ZDHHC15: variants seen among roughly 807,000 people sequenced by gnomAD.
The protein encoded by ZDHHC15 is palmitoyltransferase ZDHHC15.
Under a neutral mutation model 31.7 loss-of-function variants are expected in ZDHHC15, and 19 were observed. That is an observed-to-expected ratio of 0.60 (90% CI 0.42 to 0.88). The LOEUF (loss-of-function observed/expected upper bound fraction) is 0.88, where lower values mean the gene tolerates loss of function less well. ZDHHC15 is among the 40% of genes least tolerant of loss of function. ZDHHC15 has a pLI of 0.00. For missense variants in ZDHHC15, 209 were observed against 251.2 expected (o/e 0.83, Z 1.14); for synonymous variants, 103 against 90.0 (o/e 1.14, Z -0.82).
chrX:75,436,520 T>C (rs1383097594), intron 4 of ZDHHC15, among the ~76,000 whole-genome samples: 1 of 112,050 alleles, frequency 8.9e-6, no homozygotes, highest in Non-Finnish European at 1.9e-5. Flanking sequence ...CCAGAGGTTT[T>C]GATAGGTTGT....
intron 4 of ZDHHC15, among the ~76,000 whole-genome samples, chrX:75,446,501 G>A (rs1034620004): frequency 8.9e-5 from 10 of 112,285 alleles, no homozygotes; most frequent in African/African-American, 2.3e-4. Context: ...TGGAAAAGAA[G>A]TGTGTGGAAA....
chrX:75,465,467 G>T (rs751712989), intron 3 of ZDHHC15, among the ~76,000 whole-genome samples: 1 of 111,377 alleles, frequency 9.0e-6, no homozygotes, highest in African/African-American at 3.3e-5. Context: ...TTAAAAATTC[G>T]TATGGAACCA....
At chrX:75,376,123 A>G (rs2083056636) in intron 11 of ZDHHC15, among the ~76,000 whole-genome samples, 1 of 110,804 alleles carries the variant, frequency 9.0e-6, no homozygotes, top group African/African-American at 3.3e-5. Context: ...ATAGTACCTC[A>G]TTGCGGTTTG....
At chrX:75,476,188 C>A (rs1312007930) in intron 3 of ZDHHC15, among the ~76,000 whole-genome samples, 4 of 110,586 alleles carry the variant, frequency 3.6e-5, no homozygotes, top group African/African-American at 1.3e-4. Flanking sequence ...TCTTCCTGTT[C>A]AATTTCAATG....
intron 2 of ZDHHC15, among the ~76,000 whole-genome samples, chrX:75,502,540 T>G (rs1446060915): frequency 8.0e-5 from 9 of 112,108 alleles, no homozygotes; most frequent in Non-Finnish European, 1.7e-4. Context: ...AATTAATTAT[T>G]AGATTAGTTG....
At chrX:75,464,284 G>A (rs994453771) in intron 3 of ZDHHC15, among the ~76,000 whole-genome samples, 2 of 110,734 alleles carry the variant, frequency 1.8e-5, no homozygotes, top group Non-Finnish European at 3.8e-5. Context: ...GGGGCCTGTT[G>A]TGCGGTAGGG....
At chrX:75,510,476 G>GTTTT (rs373085476) in intron 1 of ZDHHC15, among the ~76,000 whole-genome samples, 12 of 52,973 alleles carry the variant, frequency 2.3e-4, no homozygotes, top group African/African-American at 7.1e-4. Context: ...TGTTTCTTCT[G>GTTTT]TTTTTTTTTT....
chrX:75,393,980 C>T (rs1250279468), intron 10 of ZDHHC15, among the ~76,000 whole-genome samples: 2 of 110,755 alleles, frequency 1.8e-5, no homozygotes, highest in African/African-American at 6.6e-5. Flanking sequence ...TGCTTATATT[C>T]TAGCTGTGCT....
intron 2 of ZDHHC15, among the ~76,000 whole-genome samples, chrX:75,491,840 C>T (rs1449133816): frequency 9.0e-6 from 1 of 111,141 alleles, no homozygotes; most frequent in Admixed American, 9.6e-5. Context: ...CAAAAACATG[C>T]CAAATTGTAA....
chrX:75,442,985 CA>C lies in ZDHHC15; in HGVS notation c.379+7816del, dbSNP rs1321633891. Among the ~76,000 whole-genome samples, 60 of 43,860 alleles carry C rather than the reference CA, an allele frequency of 1.4e-3. 1 individual carries two copies. The highest frequency in any genetic ancestry group is 2.5e-3 in the African/African-American group (33 of 13,176). The allele number at this position is 43,860 out of a possible 115,157, so 38.1% of individuals were successfully genotyped here. A position where few individuals can be genotyped will look rare whatever the true frequency, so the allele number is the denominator to read the frequency against. ...TGGGCGACAGAGCGAGACTCCGTCT[CA>C]AAAAAAAAAAAAAAAAAGAAAAAAT... On this transcript the variant is annotated intron_variant, in intron 4 of 11. Coordinates refer to ENST00000373367, the MANE Select transcript of ZDHHC15 (RefSeq NM_144969.3).
chrX:75,384,651 A>T, intron 10 of ZDHHC15: 1 of 858,471 alleles, frequency 1.2e-6, no homozygotes, highest in Non-Finnish European at 1.7e-6. Flanking sequence ...CTAAGAGCCG[A>T]GATAGCTTCC....
At chrX:75,422,052 C>G in intron 8 of ZDHHC15, 62 bp from the exon 9 acceptor site, 1 of 1,138,236 alleles carries the variant, frequency 8.8e-7, no homozygotes, top group Non-Finnish European at 1.2e-6. Context: ...CAAATTTCAG[C>G]ATAGTCATGA....
intron 10 of ZDHHC15, among the ~76,000 whole-genome samples, chrX:75,406,450 GATTA>G (rs1404187648): frequency 1.8e-5 from 2 of 110,700 alleles, no homozygotes; most frequent in African/African-American, 3.3e-5. Context: ...ATATTAGCAA[GATTA>G]ACCAAGGAAA....
intron 2 of ZDHHC15, among the ~76,000 whole-genome samples, chrX:75,484,010 G>A (rs186303219): frequency 8.9e-6 from 1 of 111,831 alleles, no homozygotes; most frequent in Admixed American, 9.5e-5. Context: ...TCATTAATAT[G>A]ATGTTGACTT....
intron 4 of ZDHHC15, among the ~76,000 whole-genome samples, chrX:75,443,476 A>G (rs2083977173): frequency 8.9e-6 from 1 of 112,225 alleles, no homozygotes; most frequent in African/African-American, 3.2e-5. Flanking sequence ...TTCAAGATGG[A>G]TTAAAGACTT....
intron 1 of ZDHHC15, among the ~76,000 whole-genome samples, chrX:75,513,878 CA>C (rs201148072): frequency 1.7e-4 from 18 of 103,120 alleles, no homozygotes; most frequent in African/African-American, 3.2e-4. Flanking sequence ...TTTTACATAA[CA>C]AAAAAAAAAC....
chrX:75,449,221 C>T (rs1365720265), intron 4 of ZDHHC15, among the ~76,000 whole-genome samples: 2 of 103,091 alleles, frequency 1.9e-5, no homozygotes, highest in Non-Finnish European at 3.9e-5. Flanking sequence ...CACACACACA[C>T]ACACACACAC....
intron 2 of ZDHHC15, among the ~76,000 whole-genome samples, chrX:75,494,047 C>A (rs918902963): frequency 9.9e-5 from 11 of 111,308 alleles, no homozygotes; most frequent in African/African-American, 3.6e-4. Context: ...TCATCTCAGG[C>A]CAAAATCTCC....
chrX:75,505,687 C>A, intron 2 of ZDHHC15, 134 bp downstream of exon 2: 1 of 721,102 alleles, frequency 1.4e-6, no homozygotes, highest in Non-Finnish European at 2.1e-6. Context: ...TCCTGAAAAC[C>A]ATCATTCTAA....
Sources: gnomAD v4.1 joint callset for allele counts (sites outside exome capture counted in the v4.1 genomes callset) on GRCh38, gnomAD v4.1.1 for gene constraint, MANE v1.5 for transcripts, NCBI Gene and HGNC (gene_info 2026-07-23, HGNC 2026-07-21) for gene names.